Variants in TOX observed in about 807,000 individuals in gnomAD.
The protein encoded by TOX is thymocyte selection associated high mobility group box, also known as thymocyte selection-associated high mobility group box protein TOX.
A neutral mutation model predicts 53.7 loss-of-function variants in TOX; 11 were observed. The observed-to-expected ratio is 0.20, with a 90% CI of 0.13 to 0.34. TOX has a LOEUF of 0.34. Ranked by LOEUF, TOX falls within the 10% of genes least tolerant of loss-of-function variation. The pLI is 1.00. For missense variants in TOX, 570 were observed against 664.6 expected, an observed-to-expected ratio of 0.86 and a Z score of 1.56; for synonymous variants, 225 against 245.3, an observed-to-expected ratio of 0.92 and a Z score of 0.77.
chr8:58,939,701 T>C (rs1350942556), intron 2 of TOX, among the ~76,000 whole-genome samples, 157 bp from the exon 3 acceptor site: 1 of 152,236 alleles, frequency 6.6e-6, no homozygotes, highest in Non-Finnish European at 1.5e-5. Context: ...ATTTCATCAT[T>C]ATGCATGAAA....
chr8:58,862,301 C>G (rs997583855), intron 3 of TOX, among the ~76,000 whole-genome samples: 6 of 151,898 alleles, frequency 4.0e-5, no homozygotes, highest in Non-Finnish European at 7.4e-5. Flanking sequence ...ATTTGTCTGC[C>G]AAAATTTTAT....
At chr8:58,892,969 T>G (rs1811582152) in intron 3 of TOX, among the ~76,000 whole-genome samples, 3 of 152,206 alleles carry the variant, frequency 2.0e-5, no homozygotes, top group Non-Finnish European at 4.4e-5. Flanking sequence ...TACCAAGTCT[T>G]AGAAGTAACT....
chr8:58,938,006 A>AAAT (rs1456844078), intron 3 of TOX, among the ~76,000 whole-genome samples: 29 of 152,214 alleles, frequency 1.9e-4, no homozygotes, highest in Non-Finnish European at 4.4e-5. Context: ...TAATACTCAT[A>AAAT]AGCTAAATCT....
At chr8:58,892,804 C>A (rs1356065515) in intron 3 of TOX, among the ~76,000 whole-genome samples, 3 of 152,150 alleles carry the variant, frequency 2.0e-5, no homozygotes, top group Non-Finnish European at 2.9e-5. Context: ...TTCTGTACGA[C>A]CTTGGGCAAG....
intron 2 of TOX, among the ~76,000 whole-genome samples, chr8:58,958,104 G>A (rs1202339284): frequency 1.3e-5 from 2 of 151,982 alleles, no homozygotes; most frequent in African/African-American, 4.8e-5. Context: ...TTTATTTCTG[G>A]ATCACAAGCC....
intron 1 of TOX, among the ~76,000 whole-genome samples, chr8:59,040,014 A>G (rs1429444440): frequency 6.6e-6 from 1 of 152,240 alleles, no homozygotes; most frequent in Admixed American, 6.5e-5. Flanking sequence ...AATGTGAAAA[A>G]TAATTTAATA....
intron 3 of TOX, among the ~76,000 whole-genome samples, chr8:58,919,122 C>T (rs1812029560): frequency 6.6e-6 from 1 of 151,572 alleles, no homozygotes; most frequent in Non-Finnish European, 1.5e-5. Flanking sequence ...TGAAAATGGC[C>T]ATGCTGCCCA....
intron 1 of TOX, among the ~76,000 whole-genome samples, chr8:59,025,610 G>A (rs17243368): frequency 0.27 from 41,652 of 151,922 alleles, 6,725 homozygotes; most frequent in Non-Finnish European, 0.37. Flanking sequence ...CACCGCTGGC[G>A]AACATCCAGT....
At chr8:58,980,650 G>A (rs1298539473) in intron 1 of TOX, among the ~76,000 whole-genome samples, 1 of 152,094 alleles carries the variant, frequency 6.6e-6, no homozygotes, top group Non-Finnish European at 1.5e-5. Flanking sequence ...AAGTGGAAGG[G>A]GAAAGAAAAA....
chr8:59,041,926 T>C (rs150854107), intron 1 of TOX, among the ~76,000 whole-genome samples: 164 of 152,368 alleles, frequency 1.1e-3, no homozygotes, highest in Non-Finnish European at 2.1e-3. Context: ...TCCTGAGTTA[T>C]GTTATGTACG....
chr8:58,955,369 G>C (rs926114406), intron 2 of TOX, among the ~76,000 whole-genome samples: 1 of 151,774 alleles, frequency 6.6e-6, no homozygotes, highest in African/African-American at 2.4e-5. Flanking sequence ...GAAAGAAGAA[G>C]GAAGAAAGGA....
chr8:58,966,467 C>G (rs1240130689), intron 1 of TOX, among the ~76,000 whole-genome samples: 1 of 152,066 alleles, frequency 6.6e-6, no homozygotes, highest in Non-Finnish European at 1.5e-5. Context: ...GGTAAACACT[C>G]AACTACAGAT....
At chr8:59,009,565 G>T (rs945994862) in intron 1 of TOX, among the ~76,000 whole-genome samples, 2 of 151,946 alleles carry the variant, frequency 1.3e-5, no homozygotes, top group Non-Finnish European at 2.9e-5. Flanking sequence ...TAGAGACAGG[G>T]TTTTACCATG....
intron 2 of TOX, among the ~76,000 whole-genome samples, chr8:58,958,422 C>CTGTTTCAAACAAATTCAA (rs1812746529): frequency 6.6e-6 from 1 of 152,190 alleles, no homozygotes; most frequent in African/African-American, 2.4e-5. Context: ...TGTGTTTCTA[C>CTGTTTCAAACAAATTCAA]TGTTTCAAAC....
chr8:58,892,311 A>G (rs140631980), intron 3 of TOX, among the ~76,000 whole-genome samples: 21 of 152,294 alleles, frequency 1.4e-4, no homozygotes, highest in Admixed American at 2.6e-4. Flanking sequence ...AAAGAAAGAG[A>G]GAGAGAGAGA....
intron 5 of TOX, among the ~76,000 whole-genome samples, chr8:58,836,625 A>G (rs1810551092): frequency 6.6e-6 from 1 of 152,206 alleles, no homozygotes; most frequent in Admixed American, 6.5e-5. Context: ...TTCAGATTCT[A>G]GAAGACAGCT....
At chr8:58,981,535 A>G (rs1196613617) in intron 1 of TOX, among the ~76,000 whole-genome samples, 2 of 152,186 alleles carry the variant, frequency 1.3e-5, no homozygotes, top group Non-Finnish European at 1.5e-5. Context: ...TATCTGATTA[A>G]TTCCACTATA....
chr8:58,825,845 T>C (rs1242012322), intron 6 of TOX, among the ~76,000 whole-genome samples: 1 of 152,154 alleles, frequency 6.6e-6, no homozygotes, highest in African/African-American at 2.4e-5. Context: ...CAGAAGGAAT[T>C]AGATAAATTA....
intron 4 of TOX, among the ~76,000 whole-genome samples, chr8:58,847,078 A>G (rs1810730457): frequency 6.6e-6 from 1 of 152,166 alleles, no homozygotes; most frequent in Non-Finnish European, 1.5e-5. Flanking sequence ...TAATGGTTCA[A>G]AATATGTGGC....
Sources: allele counts gnomAD v4.1 joint callset (sites outside exome capture counted in the v4.1 genomes callset), GRCh38; gene constraint gnomAD v4.1.1; transcripts MANE v1.5; gene names NCBI Gene and HGNC (gene_info 2026-07-23, HGNC 2026-07-21).